Variants in EPHA6 observed in about 807,000 individuals in gnomAD.
The protein encoded by EPHA6 is ephrin type-A receptor 6.
A neutral mutation model predicts 112.0 loss-of-function variants in EPHA6; 50 were observed. That is an observed-to-expected ratio of 0.45 (90% confidence interval 0.36 to 0.56). EPHA6 has a LOEUF of 0.56. Among genes scored for constraint, EPHA6 ranks in the 20% least tolerant of loss-of-function variants. The pLI is 0.00. For synonymous variants in EPHA6, 529 were observed against 490.7 expected (o/e 1.08, Z -1.03); for missense variants, 1,280 against 1,417.4 (o/e 0.90, Z 1.56).
intron 1 of EPHA6, among the ~76,000 whole-genome samples, chr3:96,850,997 T>C (rs1376798753): frequency 6.6e-6 from 1 of 152,156 alleles, no homozygotes; most frequent in East Asian, 1.9e-4. Context: ...TAATCAAATA[T>C]GCCATTAACA....
In EPHA6 at chr3:97,751,427, T is replaced by C. The variant is rs2035898450; in HGVS notation, c.*2726T>C. 6.6e-6 allele frequency among the ~76,000 whole-genome samples: 1 copy of C among 152,136 alleles called. No homozygotes were observed. Among genetic ancestry groups the C allele is most frequent in the Non-Finnish European group, 1.5e-5 (1 of 67,986 alleles). ...ATTATAATTTTATTTTTCAGAATGG[T>C]AAGCATGATAATCTTAAATGTAACT... is the stretch of plus-strand genomic sequence containing the variant. On this transcript the variant is annotated 3_prime_UTR_variant, in exon 18 of 18. Transcript: ENST00000389672.
intron 11 of EPHA6, among the ~76,000 whole-genome samples, chr3:97,544,303 G>A (rs576880616): frequency 6.6e-5 from 10 of 151,964 alleles, no homozygotes; most frequent in Middle Eastern, 3.4e-3. Flanking sequence ...TAGCATGAAG[G>A]GTTGTTGAAT....
At chr3:97,377,373 G>A (rs987132206) in intron 5 of EPHA6, among the ~76,000 whole-genome samples, 3 of 152,132 alleles carry the variant, frequency 2.0e-5, no homozygotes, top group Non-Finnish European at 4.4e-5. Flanking sequence ...GGAACTGTAA[G>A]TAGAATTAAA....
chr3:97,674,732 A>G (rs9848642), intron 14 of EPHA6, among the ~76,000 whole-genome samples: 19,358 of 152,232 alleles, frequency 0.13, 2,511 homozygotes, highest in African/African-American at 0.33. Flanking sequence ...ACCATTTGCT[A>G]AGGCAAGCAT....
intron 3 of EPHA6, among the ~76,000 whole-genome samples, chr3:97,003,137 C>T (rs532217121): frequency 6.6e-6 from 1 of 152,074 alleles, no homozygotes; most frequent in South Asian, 2.1e-4. Context: ...GACAGAGTTT[C>T]ACTCTTGTCG....
chr3:97,508,829 CCTG>C (rs1560082999), intron 10 of EPHA6, among the ~76,000 whole-genome samples: 3 of 151,662 alleles, frequency 2.0e-5, no homozygotes, highest in Admixed American at 6.6e-5. Flanking sequence ...GTTTTATGAA[CCTG>C]GGAGCTTCTG....
chr3:97,635,282 A>G (rs1246616822), intron 13 of EPHA6, among the ~76,000 whole-genome samples: 1 of 152,106 alleles, frequency 6.6e-6, no homozygotes. Context: ...GATACCACTT[A>G]CCATTATTAG....
At chr3:96,990,825 A>G (rs1289244132) in intron 3 of EPHA6, among the ~76,000 whole-genome samples, 1 of 152,168 alleles carries the variant, frequency 6.6e-6, no homozygotes, top group East Asian at 1.9e-4. Flanking sequence ...CTCACAAAAA[A>G]AATCTCTGAA....
rs147472994 is a variant in EPHA6, at chr3:96,992,635, G to A, written c.1114+4642G>A. 1.7e-3 allele frequency among the ~76,000 whole-genome samples: 250 copies of A among 151,098 alleles called. 1 individual carries two copies. The highest frequency in any genetic ancestry group is 5.5e-3 in the African/African-American group (228 of 41,118). ...GTTTTTTTTTTCTTTCTGATATATT[G>A]ATTCTAAGGGGTTACTCACCTTAGC... On this transcript the variant is annotated intron_variant, in intron 3 of 17. Coordinates refer to ENST00000389672, the MANE Select transcript of EPHA6 (RefSeq NM_001080448.3).
chr3:96,891,361 T>C (rs1452452894), intron 2 of EPHA6, among the ~76,000 whole-genome samples: 1 of 152,122 alleles, frequency 6.6e-6, no homozygotes, highest in African/African-American at 2.4e-5. Flanking sequence ...TGATTCCACG[T>C]ATGTAAAATT....
rs1049426540 is a variant in EPHA6 at position 97,749,637 on chromosome 3, T to C, written c.*936T>C. Among the ~76,000 whole-genome samples, 1 of 152,152 alleles carries C rather than the reference T, an allele frequency of 6.6e-6. No individual in the cohort carries two copies. The highest frequency in any genetic ancestry group is 1.5e-5 in the Non-Finnish European group (1 of 68,014). ...ATCAAAGCACTGAGAAAATTGGTCA[T>C]TCTCAGTAGAATTGCTTTGAATAAA... On this transcript the variant is annotated 3_prime_UTR_variant, in exon 18 of 18. Coordinates refer to ENST00000389672, the MANE Select transcript of EPHA6 (RefSeq NM_001080448.3).
At chr3:97,299,451 T>C (rs1286671683) in intron 5 of EPHA6, among the ~76,000 whole-genome samples, 1 of 152,064 alleles carries the variant, frequency 6.6e-6, no homozygotes, top group Non-Finnish European at 1.5e-5. Flanking sequence ...AGGAAATAAA[T>C]GTGGGAGAGT....
chr3:97,117,229 C>T (rs2047914400), intron 3 of EPHA6, among the ~76,000 whole-genome samples: 2 of 151,510 alleles, frequency 1.3e-5, no homozygotes, highest in Non-Finnish European at 3.0e-5. Flanking sequence ...ATATCAACCT[C>T]TTATAAGATG....
intron 3 of EPHA6, among the ~76,000 whole-genome samples, chr3:97,038,862 G>A (rs1472493996): frequency 6.6e-6 from 1 of 152,074 alleles, no homozygotes; most frequent in Non-Finnish European, 1.5e-5. Flanking sequence ...AGATATGGAA[G>A]TCTGATTTCC....
intron 7 of EPHA6, among the ~76,000 whole-genome samples, chr3:97,452,452 T>A (rs1306060574): frequency 6.6e-6 from 1 of 151,838 alleles, no homozygotes; most frequent in Admixed American, 6.6e-5. Flanking sequence ...GTTCGCATTT[T>A]ATGTATTTTC....
intron 14 of EPHA6, among the ~76,000 whole-genome samples, chr3:97,640,724 G>C (rs772968608): frequency 2.0e-5 from 3 of 151,960 alleles, no homozygotes; most frequent in Non-Finnish European, 4.4e-5. Context: ...AGGTTGCGAT[G>C]AACTGAGATC....
chr3:97,374,913 T>G (rs1577144228), intron 5 of EPHA6, among the ~76,000 whole-genome samples: 1 of 152,308 alleles, frequency 6.6e-6, no homozygotes, highest in African/African-American at 2.4e-5. Context: ...TGGTTGGGGT[T>G]TGAAGAATTT....
At chr3:97,628,810 T>C (rs943611037) in intron 13 of EPHA6, among the ~76,000 whole-genome samples, 36 of 152,182 alleles carry the variant, frequency 2.4e-4, no homozygotes, top group African/African-American at 7.5e-4. Flanking sequence ...CACACTTTTC[T>C]TGTAAATTGT....
At chr3:96,898,826 G>A (rs1172436886) in intron 2 of EPHA6, among the ~76,000 whole-genome samples, 1 of 151,630 alleles carries the variant, frequency 6.6e-6, no homozygotes, top group Admixed American at 6.6e-5. Context: ...TCAGGAGATC[G>A]AGACCATCCT....
Sources: allele counts gnomAD v4.1 joint callset (sites outside exome capture counted in the v4.1 genomes callset), GRCh38; gene constraint gnomAD v4.1.1; transcripts MANE v1.5; gene names NCBI Gene and HGNC (gene_info 2026-07-23, HGNC 2026-07-21).